PGR: variants seen among roughly 807,000 people sequenced by gnomAD.
PGR encodes the protein progesterone receptor, also known as nuclear receptor subfamily 3 group C member 3.
PGR carries 25 observed loss-of-function variants against 76.1 expected under a neutral mutation model. The observed-to-expected ratio is 0.33, with a 90% CI of 0.24 to 0.46. PGR has a LOEUF of 0.46. Ranked by LOEUF, PGR falls within the 20% of genes least tolerant of loss-of-function variation. The pLI is 1.00. For missense variants in PGR, 1,172 were observed against 1,225.3 expected (o/e 0.96, Z 0.65); for synonymous variants, 579 against 535.0 (o/e 1.08, Z -1.14).
chr11:101,066,464 A>G (rs934697545), intron 3 of PGR, among the ~76,000 whole-genome samples: 9 of 152,110 alleles, frequency 5.9e-5, no homozygotes, highest in African/African-American at 2.2e-4. Flanking sequence ...TCTCTTAGAT[A>G]TCTATGCTCT....
chr11:101,113,775 T>C (rs1027622497), intron 2 of PGR, among the ~76,000 whole-genome samples: 3 of 152,204 alleles, frequency 2.0e-5, no homozygotes, highest in African/African-American at 7.2e-5. Flanking sequence ...GATTTATGGA[T>C]TGTTGCCTGC....
At chr11:101,066,726 C>T (rs1860730038) in intron 3 of PGR, among the ~76,000 whole-genome samples, 1 of 152,174 alleles carries the variant, frequency 6.6e-6, no homozygotes. Flanking sequence ...GCTCTAGCCC[C>T]AAACTCTAGA....
rs1013103019 is a variant in PGR, at chr11:101,035,429, G to A, written c.*3687C>T. 7 of 231,364 alleles carry A rather than the reference G, an allele frequency of 3.0e-5. No individual in the cohort carries two copies. Among genetic ancestry groups the A allele is most frequent in the Non-Finnish European group, 6.0e-5 (7 of 116,960 alleles). 14.3% of individuals were successfully genotyped at this position (231,364 alleles called of 1,614,324 possible). Reference sequence around the variant, plus strand: ...TAGCCATCCTTCCAAAGCAATAAAAGACAGATTAAAGCAGACATAGATTTC... The same window carrying A: ...TAGCCATCCTTCCAAAGCAATAAAAAACAGATTAAAGCAGACATAGATTTC... On this transcript the variant is annotated 3_prime_UTR_variant, in exon 8 of 8. Transcript: ENST00000325455.
At position 101,050,078 on chromosome 11, in the gene PGR, C is replaced by G; in HGVS notation, c.2358-19G>C. 6.2e-7 allele frequency: 1 copy of G among 1,611,122 alleles called. No homozygotes were observed. Among genetic ancestry groups the G allele is most frequent in the Non-Finnish European group, 8.5e-7 (1 of 1,178,392 alleles). ...CCGCTGTCTTGCATCACACACAATA[C>G]ACAAAAGAAAAAGCAACAGGAAAAA... On this transcript the variant is annotated intron_variant, in intron 5 of 7. Coordinates refer to ENST00000325455, the MANE Select transcript of PGR (RefSeq NM_000926.4).
chr11:101,093,390 T>C (rs1418666437), intron 2 of PGR, among the ~76,000 whole-genome samples: 1 of 152,130 alleles, frequency 6.6e-6, no homozygotes, highest in Non-Finnish European at 1.5e-5. Flanking sequence ...TAAGTCAGTC[T>C]ATCAGTTGAT....
chr11:101,053,564 C>CCCT (rs10681603), intron 4 of PGR, among the ~76,000 whole-genome samples: 33 of 85,194 alleles, frequency 3.9e-4, no homozygotes, highest in African/African-American at 2.3e-3. Context: ...CTCCCCTTCT[C>CCCT]CCTTTCTTCC....
At position 101,128,110 on chromosome 11, in the gene PGR, G is replaced by T. The variant is rs1043376020; in HGVS notation, c.961C>A (p.Arg321=). ...TAACTTTCGTCTTCCAGCAGCTGCC[G>T]AGTGCGGGCTGCCAATAAGGCGTGA... ...LNHALLAART[R]QLLEDESYDG... Residue 321 remains arginine, a synonymous_variant, in exon 1 of 8, where the codon CGG becomes AGG. Coordinates refer to ENST00000325455, the MANE Select transcript of PGR (RefSeq NM_000926.4). The T allele has an allele frequency of 2.5e-6, 4 of 1,598,726 alleles. No individual in the cohort carries two copies. Among genetic ancestry groups the T allele is most frequent in the African/African-American group, 2.7e-5 (2 of 74,918 alleles).
intron 2 of PGR, among the ~76,000 whole-genome samples, chr11:101,115,929 G>A (rs1482632555): frequency 6.6e-6 from 1 of 152,160 alleles, no homozygotes; most frequent in Non-Finnish European, 1.5e-5. Context: ...GGCCAATTGT[G>A]TTTCAAAATT....
At chr11:101,082,512 GTGACATGGACAA>G (rs1430479608) in intron 3 of PGR, among the ~76,000 whole-genome samples, 2 of 152,196 alleles carry the variant, frequency 1.3e-5, no homozygotes, top group Admixed American at 1.3e-4. Flanking sequence ...AATGCTGATA[GTGACATGGACAA>G]TGAGTCTAGG....
chr11:101,029,917 T>C lies in PGR; in HGVS notation c.*9199A>G, dbSNP rs551823868. ...AGCACCTAGTTTTTACAGCTTTGCA[T>C]TGTCACCCCATCACTGCCAGGGACC... On this transcript the variant is annotated 3_prime_UTR_variant, in exon 8 of 8. Transcript: ENST00000325455. The C allele has an allele frequency of 2.1e-4, 48 of 224,874 alleles. No individual in the cohort carries two copies. The Admixed American group carries it at 2.3e-3, about 11-fold the overall frequency. The allele number at this position is 224,874 out of a possible 1,614,324, so 13.9% of individuals were successfully genotyped here. A position where few individuals can be genotyped will look rare whatever the true frequency, so the allele number is the denominator to read the frequency against.
At chr11:101,103,200 A>G (rs1482967675) in intron 2 of PGR, among the ~76,000 whole-genome samples, 1 of 152,058 alleles carries the variant, frequency 6.6e-6, no homozygotes, top group African/African-American at 2.4e-5. Context: ...TATGACCCAC[A>G]AATCGTAGGC....
At chr11:101,074,750 G>A (rs1861063861) in intron 3 of PGR, among the ~76,000 whole-genome samples, 1 of 152,018 alleles carries the variant, frequency 6.6e-6, no homozygotes, top group Admixed American at 6.6e-5. Flanking sequence ...GAGTAAAATA[G>A]CTAGGAATAC....
intron 2 of PGR, among the ~76,000 whole-genome samples, chr11:101,119,626 T>A (rs183056364): frequency 6.6e-6 from 1 of 152,224 alleles, no homozygotes; most frequent in Non-Finnish European, 1.5e-5. Context: ...AGGAGTGCTT[T>A]TTAAAAAAAG....
At chr11:101,067,155 T>G (rs1485126962) in intron 3 of PGR, among the ~76,000 whole-genome samples, 1 of 152,164 alleles carries the variant, frequency 6.6e-6, no homozygotes, top group East Asian at 1.9e-4. Context: ...GGTCTTACAC[T>G]GACAAGTTCC....
rs1220569517 is a variant in PGR at position 101,062,591 on chromosome 11, G to A, written c.2068C>T (p.Leu690=). 6.2e-7 allele frequency: 1 copy of A among 1,614,000 alleles called. No individual in the cohort carries two copies. Among genetic ancestry groups the A allele is most frequent in the South Asian group, 1.1e-5 (1 of 91,084 alleles). The change falls in exon 4 of 8, where the codon CTG becomes TTG. Residue 690 remains leucine, a synonymous_variant. Transcript: ENST00000325455. ...DIQLIPPLIN[L]LMSIEPDVIY... ...ACATCTGGTTCAATGCTCATTAACA[G>A]GTTGATCAGTGGTGGAATCAACTGT...
Position 101,037,645 on chromosome 11 carries a change from T to C in PGR, c.*1471A>G, listed in dbSNP as rs953728596. 3 of 226,054 alleles carry C rather than the reference T, an allele frequency of 1.3e-5. No homozygotes were observed. The highest frequency in any genetic ancestry group is 6.4e-5 in the East Asian group (1 of 15,732). 14.0% of individuals were successfully genotyped at this position (226,054 alleles called of 1,614,324 possible). On this transcript the variant is annotated 3_prime_UTR_variant, in exon 8 of 8. Coordinates refer to ENST00000325455, the MANE Select transcript of PGR (RefSeq NM_000926.4). ...AATACACTTCTATTCTTCTATGTTA[T>C]AGTCAGTAAAGGGAGAGATCTCACA...
chr11:101,088,478 C>T (rs764358152), intron 3 of PGR, among the ~76,000 whole-genome samples: 28 of 152,220 alleles, frequency 1.8e-4, no homozygotes, highest in Non-Finnish European at 2.9e-4. Context: ...ACTACAGGCG[C>T]CTGCCACCAT....
At chr11:101,047,255 T>A (rs941075856) in intron 6 of PGR, among the ~76,000 whole-genome samples, 18 of 152,180 alleles carry the variant, frequency 1.2e-4, no homozygotes, top group African/African-American at 4.3e-4. Context: ...CAGCATAATG[T>A]TGCCTATCCA....
intron 4 of PGR, among the ~76,000 whole-genome samples, chr11:101,059,858 A>AAG (rs1389185681): frequency 4.7e-5 from 4 of 85,224 alleles, no homozygotes; most frequent in South Asian, 3.4e-4. Context: ...AAAAAAAAAA[A>AAG]AAAGAAAAAA....
Sources: gnomAD v4.1 joint callset for allele counts (sites outside exome capture counted in the v4.1 genomes callset) on GRCh38, gnomAD v4.1.1 for gene constraint, MANE v1.5 for transcripts, NCBI Gene and HGNC (gene_info 2026-07-23, HGNC 2026-07-21) for gene names.